Variants in KLF8 observed in about 807,000 individuals in gnomAD.
KLF8 encodes the protein KLF transcription factor 8.
A neutral mutation model predicts 18.2 loss-of-function variants in KLF8; 10 were observed. The observed-to-expected ratio is 0.55, with a 90% confidence interval of 0.34 to 0.93. KLF8 has a LOEUF of 0.93. KLF8 is among the 40% of genes least tolerant of loss of function. KLF8 has a pLI of 0.02. For missense variants in KLF8, 264 were observed against 277.9 expected (o/e 0.95, Z 0.36); for synonymous variants, 109 against 97.3 (o/e 1.12, Z -0.71).
At chrX:56,283,589 T>TCATGG in intron 5 of KLF8, among the ~76,000 whole-genome samples, 1 of 111,061 alleles carries the variant, frequency 9.0e-6, no homozygotes, top group East Asian at 2.8e-4. Context: ...GCCAGGATGT[T>TCATGG]CTCAATATAC....
At chrX:56,172,375 C>T in the KLF8 span, among the ~76,000 whole-genome samples, 8 of 110,728 alleles carry the variant, frequency 7.2e-5, no homozygotes, top group South Asian at 1.5e-3. Flanking sequence ...TTTGTCCTTG[C>T]GATAGTTTAC....
At chrX:56,033,896 A>T in the KLF8 span, among the ~76,000 whole-genome samples, 3 of 112,373 alleles carry the variant, frequency 2.7e-5, no homozygotes, top group African/African-American at 9.7e-5. Flanking sequence ...CATATTTTGA[A>T]TACCTTTGTT....
chrX:55,932,098 A>C, the KLF8 span, among the ~76,000 whole-genome samples: 25 of 110,739 alleles, frequency 2.3e-4, no homozygotes, highest in African/African-American at 8.2e-4. Flanking sequence ...TTCTTGTTGC[A>C]TTGATCCCTT....
chrX:56,004,500 G>A, the KLF8 span, among the ~76,000 whole-genome samples: 2 of 111,883 alleles, frequency 1.8e-5, no homozygotes, highest in Non-Finnish European at 3.8e-5. Flanking sequence ...GTACAAGTAG[G>A]AAATAATTTC....
chrX:56,247,397 C>T lies in KLF8; in HGVS notation c.8-2834C>T, dbSNP rs775824347. ...AGTGAGTAGCGAGTGAATGTTAAGG[C>T]CTAGGACATTACTGTACCTTACTTT... On this transcript the variant is annotated intron_variant, in intron 1 of 5. Transcript: ENST00000468660. Among the ~76,000 whole-genome samples, 9 of 111,557 alleles carry T rather than the reference C, an allele frequency of 8.1e-5. No homozygotes were observed. In the South Asian group the frequency reaches 3.4e-3, roughly 42 times the overall value.
chrX:56,128,577 G>T, the KLF8 span, among the ~76,000 whole-genome samples: 6 of 111,421 alleles, frequency 5.4e-5, no homozygotes, highest in Admixed American at 9.5e-5. Context: ...GTCCATATTT[G>T]ACATAATATA....
the KLF8 span, among the ~76,000 whole-genome samples, chrX:56,013,026 G>A: frequency 8.9e-6 from 1 of 111,755 alleles, no homozygotes; most frequent in East Asian, 2.8e-4. Context: ...CAATGGAACA[G>A]AGTAGAGAAC....
the KLF8 span, among the ~76,000 whole-genome samples, chrX:56,211,286 G>C: frequency 1.3e-4 from 15 of 112,603 alleles, no homozygotes; most frequent in Admixed American, 1.4e-3. Context: ...ACTTGTAGAG[G>C]TAAGCCTTTA....
the KLF8 span, among the ~76,000 whole-genome samples, chrX:55,963,314 A>C: frequency 8.9e-6 from 1 of 111,932 alleles, no homozygotes; most frequent in Non-Finnish European, 1.9e-5. Context: ...TTCTGTTGAG[A>C]TGTTGTCTCT....
the KLF8 span, among the ~76,000 whole-genome samples, chrX:55,987,550 A>G: frequency 8.9e-6 from 1 of 111,980 alleles, no homozygotes; most frequent in African/African-American, 3.2e-5. Flanking sequence ...TTATGGCTGC[A>G]TAGTATTCCA....
chrX:55,940,345 T>A, the KLF8 span, among the ~76,000 whole-genome samples: 2 of 111,870 alleles, frequency 1.8e-5, no homozygotes, highest in Non-Finnish European at 3.8e-5. Context: ...TGCTAAAAAC[T>A]CTCAATAAAT....
the KLF8 span, among the ~76,000 whole-genome samples, chrX:56,181,892 C>T: frequency 9.1e-6 from 1 of 109,304 alleles, no homozygotes; most frequent in Non-Finnish European, 1.9e-5. Context: ...CTGCCCTTAA[C>T]ATTTTTTCCT....
upstream of KLF8, among the ~76,000 whole-genome samples, chrX:56,232,210 A>C (rs756635024): frequency 1.9e-4 from 21 of 111,878 alleles, no homozygotes; most frequent in Non-Finnish European, 3.8e-4. Flanking sequence ...TAAGGAAGTG[A>C]AATTGATTGG....
At chrX:56,209,449 C>T in the KLF8 span, among the ~76,000 whole-genome samples, 1 of 110,529 alleles carries the variant, frequency 9.0e-6, no homozygotes, top group Non-Finnish European at 1.9e-5. Context: ...AGTCCATTTA[C>T]ATTCAATGTC....
At chrX:56,177,263 C>T in the KLF8 span, among the ~76,000 whole-genome samples, 1 of 110,866 alleles carries the variant, frequency 9.0e-6, no homozygotes, top group Non-Finnish European at 1.9e-5. Context: ...ATGATGGTGA[C>T]TTACAGATGG....
At chrX:56,149,785 C>A in the KLF8 span, among the ~76,000 whole-genome samples, 1 of 110,630 alleles carries the variant, frequency 9.0e-6, no homozygotes, top group Non-Finnish European at 1.9e-5. Context: ...AAAGATCTGG[C>A]AATAGTGGGG....
At chrX:56,202,835 C>T in the KLF8 span, among the ~76,000 whole-genome samples, 1 of 111,111 alleles carries the variant, frequency 9.0e-6, no homozygotes, top group East Asian at 2.8e-4. Flanking sequence ...TGTTGATGGG[C>T]TGTTAGGTCC....
chrX:55,990,606 C>G, the KLF8 span, among the ~76,000 whole-genome samples: 2 of 111,581 alleles, frequency 1.8e-5, no homozygotes, highest in African/African-American at 6.5e-5. Context: ...TTTTTCTGCT[C>G]TGCTTTTTCC....
the KLF8 span, among the ~76,000 whole-genome samples, chrX:56,136,104 T>C: frequency 9.0e-6 from 1 of 110,887 alleles, no homozygotes; most frequent in Non-Finnish European, 1.9e-5. Flanking sequence ...TAAAAGAGGA[T>C]AAAAACAAAT....
Sources: gnomAD v4.1 joint callset for allele counts (sites outside exome capture counted in the v4.1 genomes callset) on GRCh38, gnomAD v4.1.1 for gene constraint, MANE v1.5 for transcripts, NCBI Gene and HGNC (gene_info 2026-07-23, HGNC 2026-07-21) for gene names.